CACNA1A: variants seen among roughly 807,000 people sequenced by gnomAD.
CACNA1A encodes voltage-dependent P/Q-type calcium channel subunit alpha-1A.
In CACNA1A, 57 loss-of-function variants were observed where a neutral mutation model predicts 262.4. The ratio of observed to expected loss-of-function variants is 0.22; its 90% CI spans 0.18 to 0.27. The LOEUF (loss-of-function observed/expected upper bound fraction) is 0.27. Among genes scored for constraint, CACNA1A ranks in the 10% least tolerant of loss-of-function variants. The probability of loss-of-function intolerance (pLI) is 1.00; values close to 1 mark genes in which losing one functional copy is unlikely to be tolerated. For synonymous variants in CACNA1A, 1,431 were observed against 1,419.3 expected (o/e 1.01, Z -0.18); for missense variants, 2,526 against 3,562.8 (o/e 0.71, Z 7.41).
At chr19:13,346,666 A>T (rs1438890890) in intron 6 of CACNA1A, among the ~76,000 whole-genome samples, 1,109 of 8,190 alleles carry the variant, frequency 0.14, 66 homozygotes, top group Middle Eastern at 0.25. Flanking sequence ...ATATATATAT[A>T]TTTTTTTTTT....
chr19:13,223,984 G>A (rs967474014), intron 38 of CACNA1A, among the ~76,000 whole-genome samples: 9 of 152,170 alleles, frequency 5.9e-5, no homozygotes, highest in Middle Eastern at 6.8e-3. Flanking sequence ...TGGGCAACCT[G>A]ATGAAACCCC....
intron 19 of CACNA1A, 99 bp downstream of exon 19, chr19:13,298,445 A>T: frequency 8.6e-7 from 1 of 1,165,788 alleles, no homozygotes; most frequent in Non-Finnish European, 1.2e-6. Flanking sequence ...AGCATTTTAT[A>T]ATATATTTTT....
At chr19:13,211,863 C>T (rs535058643) in intron 43 of CACNA1A, 35 of 488,376 alleles carry the variant, frequency 7.2e-5, no homozygotes, top group Non-Finnish European at 1.0e-4. Flanking sequence ...GTGGCCACTG[C>T]CCTCTGCCCC....
At position 13,308,068 on chromosome 19, in the gene CACNA1A, C is replaced by T; in HGVS notation, c.1913+52G>A. The T allele has an allele frequency of 6.2e-7, 1 of 1,608,056 alleles. No homozygotes were observed. Among genetic ancestry groups the T allele is most frequent in the Non-Finnish European group, 8.5e-7 (1 of 1,176,698 alleles). ...GCACGGTGGAGGGGACTGTGTGTTC[C>T]CTGAGCCTGACCCCAGGGAACCAGG... On this transcript the variant is annotated intron_variant, in intron 14 of 46. Coordinates refer to ENST00000360228, the MANE Select transcript of CACNA1A (RefSeq NM_001127222.2). The surrounding 1 kb of genome is among the most constrained non-coding windows in gnomAD (Gnocchi z 4.2).
intron 1 of CACNA1A, among the ~76,000 whole-genome samples, chr19:13,479,857 A>G (rs184682898): frequency 7.7e-4 from 118 of 152,348 alleles, no homozygotes; most frequent in Middle Eastern, 3.4e-3. Flanking sequence ...CTAATATATA[A>G]TAACATATAC....
Position 13,308,061 on chromosome 19 carries a change from T to C in CACNA1A, c.1913+59A>G. 1.2e-6 allele frequency: 2 copies of C among 1,601,510 alleles called. No individual in the cohort carries two copies. The highest frequency in any genetic ancestry group is 1.7e-6 in the Non-Finnish European group (2 of 1,171,836). On this transcript the variant is annotated intron_variant, in intron 14 of 46. Coordinates refer to ENST00000360228, the MANE Select transcript of CACNA1A (RefSeq NM_001127222.2). The surrounding 1 kb of genome is among the most constrained non-coding windows in gnomAD (Gnocchi z 4.2). ...GCAGCCTGCACGGTGGAGGGGACTG[T>C]GTGTTCCCTGAGCCTGACCCCAGGG...
chr19:13,347,185 A>G lies in CACNA1A; in HGVS notation c.979-11276T>C, dbSNP rs369427596. On this transcript the variant is annotated intron_variant, in intron 6 of 46. Transcript: ENST00000360228. The stretch of plus-strand genomic sequence containing the variant: ...GCAGTCCTCCCATCTCAGCCTCTCA[A>G]GTAGCTGGGCCTACAGGCATGCTCC... Among the ~76,000 whole-genome samples the G allele has an allele frequency of 6.6e-5, 10 of 151,210 alleles. No individual in the cohort carries two copies. In the East Asian group the frequency reaches 1.8e-3, roughly 27 times the overall value.
intron 1 of CACNA1A, among the ~76,000 whole-genome samples, chr19:13,465,367 A>G (rs2061215677): frequency 6.6e-6 from 1 of 152,232 alleles, no homozygotes; most frequent in South Asian, 2.1e-4. Flanking sequence ...ACTGAATATT[A>G]TACTCAAAAT....
chr19:13,224,960 A>T (rs568315205), intron 37 of CACNA1A, 188 bp from the exon 38 acceptor site: 152 of 546,190 alleles, frequency 2.8e-4, no homozygotes, highest in African/African-American at 2.7e-3. Flanking sequence ...GAGGGCACAA[A>T]AGGCTCTCTT....
rs1258183142 is a variant in CACNA1A, at chr19:13,207,901, G to A, written c.6933C>T (p.Pro2311=). ...GCTGCTGCTGCTGCTGCTGCTGCGG[G>A]GGCCCCGAGCCGCCGGCCTTACGGA... ...PVIRKAGGSG[P]PQQQQQQQQQ... The change falls in exon 47 of 47, where the codon CCC becomes CCT. Residue 2311 remains proline (P), a synonymous_variant. Transcript: ENST00000360228. The surrounding 1 kb of genome is among the most constrained non-coding windows in gnomAD (Gnocchi z 5.7). 4.1e-6 allele frequency: 6 copies of A among 1,462,144 alleles called. No individual in the cohort carries two copies. Among genetic ancestry groups the A allele is most frequent in the Non-Finnish European group, 5.4e-6 (6 of 1,112,302 alleles). The allele number at this position is 1,462,144 out of a possible 1,614,324, so 90.6% of individuals were successfully genotyped here. A position where few individuals can be genotyped will look rare whatever the true frequency, so the allele number is the denominator to read the frequency against.
chr19:13,265,187 T>C (rs2056832039), intron 24 of CACNA1A, among the ~76,000 whole-genome samples: 1 of 152,144 alleles, frequency 6.6e-6, no homozygotes, highest in Non-Finnish European at 1.5e-5. Flanking sequence ...TCCCCTTTAA[T>C]CTTGATTCTT....
intron 3 of CACNA1A, among the ~76,000 whole-genome samples, chr19:13,441,486 G>A (rs2060718277): frequency 6.6e-6 from 1 of 151,926 alleles, no homozygotes; most frequent in African/African-American, 2.4e-5. Flanking sequence ...GGCCAACATG[G>A]TGAAACCCCC....
chr19:13,376,991 C>A (rs1482834662), intron 3 of CACNA1A, among the ~76,000 whole-genome samples: 1 of 142,944 alleles, frequency 7.0e-6, no homozygotes, highest in Admixed American at 7.1e-5. Context: ...TGAAGTCGCA[C>A]TCTTGTTGCC....
Position 13,298,678 on chromosome 19 carries a change from C to G in CACNA1A, c.2955G>C (p.Pro985=), listed in dbSNP as rs749357610. 3.4e-4 allele frequency: 498 copies of G among 1,472,232 alleles called. No individual in the cohort carries two copies. Among genetic ancestry groups the G allele is most frequent in the Non-Finnish European group, 4.3e-4 (478 of 1,115,054 alleles). The allele number at this position is 1,472,232 out of a possible 1,614,324, so 91.2% of individuals were successfully genotyped here. The change falls in exon 19 of 47, where the codon CCG becomes CCC. Residue 985 remains proline, a synonymous_variant. Transcript: ENST00000360228. ...RRARHREGSR[P]ARGGEGEGEG... is the part of the protein sequence containing the mutation. ...CGCCCTCGCCCTCGCCGCCCCGGGC[C>G]GGCCGGCTGCCCTCGCGGTGCCGCG... is the stretch of plus-strand genomic sequence containing the variant.
chr19:13,350,324 C>T (rs2058884096), intron 6 of CACNA1A, among the ~76,000 whole-genome samples: 1 of 152,168 alleles, frequency 6.6e-6, no homozygotes, highest in Non-Finnish European at 1.5e-5. Flanking sequence ...TAAACTATCA[C>T]CTCTTCTGAG....
At position 13,336,215 on chromosome 19, in the gene CACNA1A, C is replaced by A. The variant is rs908687115; in HGVS notation, c.979-306G>T. 8.5e-5 allele frequency among the ~76,000 whole-genome samples: 13 copies of A among 152,180 alleles called. No individual in the cohort carries two copies. In the South Asian group the frequency reaches 2.3e-3, roughly 27 times the overall value. ...CCAGAAGGAGAAGGAAAAAGTAAACCAAACAAAACACAAAACCTATTGAAA... is the reference window on the plus strand; with the variant it reads ...CCAGAAGGAGAAGGAAAAAGTAAACAAAACAAAACACAAAACCTATTGAAA... On this transcript the variant is annotated intron_variant, in intron 6 of 46. Transcript: ENST00000360228.
In CACNA1A at chr19:13,308,315, C is replaced by G. The variant is rs2145004881; in HGVS notation, c.1782-64G>C. 7.6e-6 allele frequency: 12 copies of G among 1,575,652 alleles called. No homozygotes were observed. The South Asian group carries it at 1.4e-4, about 18-fold the overall frequency. ...GGGAGGCAGGGCCCCGGAGTCAGCC[C>G]TCGAAACACGAGGCTCACTTTCCCA... On this transcript the variant is annotated intron_variant, in intron 13 of 46. Coordinates refer to ENST00000360228, the MANE Select transcript of CACNA1A (RefSeq NM_001127222.2). The surrounding 1 kb of genome is among the most constrained non-coding windows in gnomAD (Gnocchi z 4.2).
At chr19:13,381,400 T>TTTTTTTTTTTTTTTTTTTTTTTTTTTTTG (rs1555777763) in intron 3 of CACNA1A, among the ~76,000 whole-genome samples, 1 of 151,760 alleles carries the variant, frequency 6.6e-6, no homozygotes, top group Non-Finnish European at 1.5e-5. Flanking sequence ...CCCTGTATCT[T>TTTTTTTTTTTTTTTTTTTTTTTTTTTTTG]AAGAGATAAA....
chr19:13,289,497 T>A (rs1203559902), intron 19 of CACNA1A, among the ~76,000 whole-genome samples: 1 of 152,100 alleles, frequency 6.6e-6, no homozygotes, highest in African/African-American at 2.4e-5. Flanking sequence ...TTGCTTAACC[T>A]CTCTGAGCCT....
Sources: gnomAD v4.1 joint callset for allele counts (sites outside exome capture counted in the v4.1 genomes callset) on GRCh38, gnomAD v4.1.1 for gene constraint, Gnocchi (gnomAD v3.1) non-coding constraint, MANE v1.5 for transcripts, NCBI Gene and HGNC (gene_info 2026-07-23, HGNC 2026-07-21) for gene names.